MYH3: variants seen among roughly 807,000 people sequenced by gnomAD.
MYH3 encodes the protein myosin heavy chain 3.
MYH3 carries 130 observed loss-of-function variants against 238.0 expected under a neutral mutation model. The ratio of observed to expected loss-of-function variants is 0.55; its 90% confidence interval spans 0.47 to 0.63. The LOEUF is 0.63. Among genes scored for constraint, MYH3 ranks in the 30% least tolerant of loss-of-function variants. MYH3 has a pLI of 0.00. For synonymous variants in MYH3, 880 were observed against 924.1 expected, an observed-to-expected ratio of 0.95 and a Z score of 0.86; for missense variants, 1,853 against 2,374.9, an observed-to-expected ratio of 0.78 and a Z score of 4.57.
chr17:10,642,187 AT>A lies in MYH3; in HGVS notation c.1959+52del, dbSNP rs1309088311. 27 of 1,510,720 alleles carry A rather than the reference AT, an allele frequency of 1.8e-5. No individual in the cohort carries two copies. The highest frequency in any genetic ancestry group is 2.5e-5 in the Non-Finnish European group (27 of 1,091,824). The allele number at this position is 1,510,720 out of a possible 1,614,324, so 93.6% of individuals were successfully genotyped here. ...CAAGCTTAGAATCTCAGCATTGCTC[AT>A]TTAGATGTCACTTAAATCAATTATA... On this transcript the variant is annotated intron_variant, in intron 17 of 40. Transcript: ENST00000583535. This position sits in a 1 kb window ranked among gnomAD's most constrained non-coding sequence, Gnocchi z 5.4.
chr17:10,652,270 C>G (rs2074383237), intron 4 of MYH3, 150 bp downstream of exon 4: 1 of 1,016,128 alleles, frequency 9.8e-7, no homozygotes, highest in Non-Finnish European at 1.5e-6. Flanking sequence ...TGCTTTCTTG[C>G]CTTCTTTCTC....
rs1472255855 is a variant in MYH3, at chr17:10,642,397, A to G, written c.1888+20T>C. ...GAACAAATGGAGGGAAATCACATGG[A>G]CACAAAGCACTCCTCTTACCATCCG... On this transcript the variant is annotated intron_variant, in intron 16 of 40. Transcript: ENST00000583535. The surrounding 1 kb of genome is among the most constrained non-coding windows in gnomAD (Gnocchi z 5.4). 1.2e-6 allele frequency: 2 copies of G among 1,614,130 alleles called. No individual in the cohort carries two copies. Among genetic ancestry groups the G allele is most frequent in the South Asian group, 2.2e-5 (2 of 91,078 alleles).
Position 10,639,182 on chromosome 17 carries a change from C to A in MYH3, c.3110G>T (p.Ser1037Ile). 6.2e-7 allele frequency: 1 copy of A among 1,614,118 alleles called. No homozygotes were observed. The change falls in exon 25 of 41, where the codon AGC (serine) becomes ATC (isoleucine). Residue 1037 changes from serine (S) to isoleucine (I), a missense_variant. By Grantham distance (142) the Ser-to-Ile change is moderately radical. Around this residue, in one of 3 missense-constraint regions of MYH3, gnomAD observed 1,044 missense variants for 1,192.6 expected, o/e 0.88. Transcript: ENST00000583535. The part of the protein sequence containing the change: ...KLEQQVEDLE[S>I]SLEQEKKLRV... Reference sequence around the variant, plus strand: ...GAGCTTCTTTTCTTGTTCTAGGGAGCTTTCCAGCTGAAAAAGGCACCATTT... The same window carrying A: ...GAGCTTCTTTTCTTGTTCTAGGGAGATTTCCAGCTGAAAAAGGCACCATTT...
rs779530750 is a variant in MYH3, at chr17:10,634,017, G to C, written c.4522C>G (p.Gln1508Glu). 1.9e-6 allele frequency: 3 copies of C among 1,613,738 alleles called. No individual in the cohort carries two copies. In the Admixed American group the frequency reaches 5.0e-5, roughly 27 times the overall value. ...TTTCAGAGGGTTTCGAATAGCTTACGCTCTAAGTTCTTATTTTCCCGTTTC... is the reference window on the plus strand; with the variant it reads ...TTTCAGAGGGTTTCGAATAGCTTACCCTCTAAGTTCTTATTTTCCCGTTTC... ...TVKRENKNLE[Q>E]EIADLTEQIA... is the part of the protein sequence containing the mutation. Residue 1508 changes from glutamine (Q) to glutamate (E), a missense_variant and splice_region_variant, in exon 32 of 41, where the codon CAG becomes GAG. Coordinates refer to ENST00000583535, the MANE Select transcript of MYH3 (RefSeq NM_002470.4).
chr17:10,640,690 C>T lies in MYH3; in HGVS notation c.2166-4G>A. On this transcript the variant is annotated splice_region_variant and splice_polypyrimidine_tract_variant and intron_variant, in intron 19 of 40. Transcript: ENST00000583535. ...ACTGGCATTCAGCACTCGGTATCTG[C>T]ATTGTAGACATGGAAATCATCACAG... 6.2e-7 allele frequency: 1 copy of T among 1,613,982 alleles called. No homozygotes were observed. The highest frequency in any genetic ancestry group is 8.5e-7 in the Non-Finnish European group (1 of 1,179,926).
rs908391577 is a variant in MYH3 at position 10,640,980 on chromosome 17, A to C, written c.2165+105T>G. 5.0e-6 allele frequency: 5 copies of C among 995,986 alleles called. No individual in the cohort carries two copies. The African/African-American group carries it at 7.8e-5, about 16-fold the overall frequency. 61.7% of individuals were successfully genotyped at this position (995,986 alleles called of 1,614,324 possible). On this transcript the variant is annotated intron_variant, in intron 19 of 40. Coordinates refer to ENST00000583535, the MANE Select transcript of MYH3 (RefSeq NM_002470.4). ...TTGTTCAGTTTACATGGAGGTCCAT[A>C]TCTGTTCTTTCGAAATAGGTCTTTT... is the stretch of plus-strand genomic sequence containing the variant.
At chr17:10,655,364 G>A (rs2074417944) in intron 2 of MYH3, among the ~76,000 whole-genome samples, 1 of 152,210 alleles carries the variant, frequency 6.6e-6, no homozygotes, top group Non-Finnish European at 1.5e-5. Context: ...AAGGGGTTTG[G>A]AAGTGAGCAC....
In MYH3 at chr17:10,632,709, T is replaced by C. The variant is rs1295795825; in HGVS notation, c.4723A>G (p.Arg1575Gly). The C allele has an allele frequency of 3.7e-6, 6 of 1,614,080 alleles. No individual in the cohort carries two copies. Among genetic ancestry groups the C allele is most frequent in the Non-Finnish European group, 5.1e-6 (6 of 1,180,018 alleles). The change falls in exon 34 of 41, where the codon AGA becomes GGA. Residue 1575 changes from arginine to glycine, a missense_variant. Transcript: ENST00000583535. ...ELTQVKSEID[R>G]KIAEKDEEIE... ...TCTTCATCCTTCTCGGCGATCTTTC[T>C]ATCAATTTCTGATTTCACTTGTGTC...
rs985990230 is a variant in MYH3, at chr17:10,656,114, G to C, written c.-33C>G. 6 of 152,328 alleles carry C rather than the reference G, an allele frequency of 3.9e-5. No individual in the cohort carries two copies. Among genetic ancestry groups the C allele is most frequent in the African/African-American group, 1.2e-4 (5 of 41,450 alleles). The allele number at this position is 152,328 out of a possible 1,614,324, so 9.4% of individuals were successfully genotyped here. ...CCTGAGAGTCCCACCTGCAGGATGA[G>C]AGCAGAAGACAGCAACAGCCAGGAG... On this transcript the variant is annotated 5_prime_UTR_variant, in exon 2 of 41. Transcript: ENST00000583535.
chr17:10,640,153 T>C lies in MYH3; in HGVS notation c.2525A>G (p.Lys842Arg), dbSNP rs1470250363. The change falls in exon 22 of 41, where the codon AAG becomes AGG. Residue 842 changes from lysine to arginine, a missense_variant. This residue lies in a region of MYH3 where 678 missense variants were observed against 1,058.9 expected (regional missense o/e 0.64). Coordinates refer to ENST00000583535, the MANE Select transcript of MYH3 (RefSeq NM_002470.4). ...KLFFKIKPLL[K>R]SAETEKEMAT... ...CATCTCTTTCTCAGTCTCTGCACTC[T>C]TGAGGAGGGGCTTGATCTTGAAGAA... 1 of 1,614,074 alleles carries C rather than the reference T, an allele frequency of 6.2e-7. No individual in the cohort carries two copies. Among genetic ancestry groups the C allele is most frequent in the African/African-American group, 1.3e-5 (1 of 74,928 alleles).
chr17:10,629,545 A>T, intron 40 of MYH3, 52 bp downstream of exon 40: 1 of 1,609,090 alleles, frequency 6.2e-7, no homozygotes, highest in Non-Finnish European at 8.5e-7. Context: ...CCTTCCAGCT[A>T]AGAAGTTTCT....
chr17:10,648,698 G>A (rs2074346436), intron 7 of MYH3, 49 bp from the exon 8 acceptor site: 1 of 1,473,470 alleles, frequency 6.8e-7, no homozygotes, highest in African/African-American at 1.4e-5. Context: ...TTTTTGAGAT[G>A]GAGTTACACT....
At chr17:10,640,971 G>A in intron 19 of MYH3, 114 bp downstream of exon 19, 6 of 947,658 alleles carry the variant, frequency 6.3e-6, no homozygotes, top group Non-Finnish European at 1.0e-5. Context: ...AGTTTACATG[G>A]AGGTCCATAT....
rs1170215736 is a variant in MYH3, at chr17:10,654,996, C to T, written c.69G>A (p.Glu23=). The T allele has an allele frequency of 6.2e-7, 1 of 1,614,218 alleles. No homozygotes were observed. The highest frequency in any genetic ancestry group is 8.5e-7 in the Non-Finnish European group (1 of 1,180,032). Residue 23 remains glutamate, a synonymous_variant, in exon 3 of 41, where the codon GAG becomes GAA. Transcript: ENST00000583535. This position sits in a 1 kb window ranked among gnomAD's most constrained non-coding sequence, Gnocchi z 4.5. ...AAPFLRKSEK[E]RIEAQNQPFD... ...AGGGCTGGTTCTGAGCCTCGATCCT[C>T]TCCTTTTCTGACTTCCGGAGGAAAG...
chr17:10,633,490 T>G, intron 33 of MYH3, 101 bp downstream of exon 33: 1 of 1,528,564 alleles, frequency 6.5e-7, no homozygotes, highest in Non-Finnish European at 9.0e-7. Flanking sequence ...GACTGTGATT[T>G]GACAAAGGCA....
At chr17:10,667,392 G>T in the MYH3 span, among the ~76,000 whole-genome samples, 1 of 152,118 alleles carries the variant, frequency 6.6e-6, no homozygotes, top group Admixed American at 6.6e-5. Flanking sequence ...CCTTAAAAAA[G>T]AATCAGAGGC....
chr17:10,667,615 AG>A, the MYH3 span, among the ~76,000 whole-genome samples: 3 of 150,024 alleles, frequency 2.0e-5, no homozygotes, highest in Non-Finnish European at 4.4e-5. Context: ...CAGGAGGCAG[AG>A]GTTTGCAGTG....
chr17:10,640,789 C>T, intron 19 of MYH3, 103 bp from the exon 20 acceptor site: 2 of 1,419,020 alleles, frequency 1.4e-6, no homozygotes, highest in Admixed American at 3.9e-5. Flanking sequence ...AGGCCAAGGT[C>T]CCAGGAGATG....
In MYH3 at chr17:10,648,765, T is replaced by C. The variant is rs1221799246; in HGVS notation, c.643-116A>G. 12 of 855,478 alleles carry C rather than the reference T, an allele frequency of 1.4e-5. No homozygotes were observed. The East Asian group carries it at 2.6e-4, about 18-fold the overall frequency. 53.0% of individuals were successfully genotyped at this position (855,478 alleles called of 1,614,324 possible). A position where few individuals can be genotyped will look rare whatever the true frequency, so the allele number is the denominator to read the frequency against. Reference sequence around the variant, plus strand: ...ATCTTGGCTTACTGCAACCTCCACCTCCCGGGTTCATGTGATTCTCCTGCC... The same window carrying C: ...ATCTTGGCTTACTGCAACCTCCACCCCCCGGGTTCATGTGATTCTCCTGCC... On this transcript the variant is annotated intron_variant, in intron 7 of 40. Transcript: ENST00000583535.
Sources: gnomAD v4.1 joint callset for allele counts (sites outside exome capture counted in the v4.1 genomes callset) on GRCh38, gnomAD v4.1.1 for gene constraint, gnomAD v4.1.1 regional missense constraint, Gnocchi (gnomAD v3.1) non-coding constraint, MANE v1.5 for transcripts, NCBI Gene and HGNC (gene_info 2026-07-23, HGNC 2026-07-21) for gene names.